PLPP5: variants seen among roughly 807,000 people sequenced by gnomAD.
PLPP5 encodes the protein phospholipid phosphatase 5, also known as diacylglycerol pyrophosphate like 1.
PLPP5 carries 29 observed loss-of-function variants against 23.6 expected under a neutral mutation model. The ratio of observed to expected loss-of-function variants is 1.23; its 90% CI spans 0.92 to 1.68. The LOEUF is 1.68. Ranked by LOEUF, PLPP5 falls within the 40% of genes most tolerant of loss-of-function variation. PLPP5 has a pLI of 0.00. For missense variants in PLPP5, 315 were observed against 332.1 expected (o/e 0.95, Z 0.40); for synonymous variants, 143 against 131.3 (o/e 1.09, Z -0.61).
In PLPP5 at chr8:38,263,933, T is replaced by C; in HGVS notation, c.*511A>G. On this transcript the variant is annotated 3_prime_UTR_variant, in exon 7 of 7. Transcript: ENST00000424479. Reference sequence around the variant, plus strand: ...GGTGTTGGACACCTTTGAAAGATCCTTTTACTAGAACATGTGGCATACAGT... The same window carrying C: ...GGTGTTGGACACCTTTGAAAGATCCCTTTACTAGAACATGTGGCATACAGT... 1 of 985,316 alleles carries C rather than the reference T, an allele frequency of 1.0e-6. No homozygotes were observed. The highest frequency in any genetic ancestry group is 1.2e-6 in the Non-Finnish European group (1 of 829,846). The allele number at this position is 985,316 out of a possible 1,614,324, so 61.0% of individuals were successfully genotyped here. A position where few individuals can be genotyped will look rare whatever the true frequency, so the allele number is the denominator to read the frequency against.
Position 38,263,190 on chromosome 8 carries a change from A to G in PLPP5, c.*1254T>C, listed in dbSNP as rs1377343799. The G allele has an allele frequency of 6.3e-6, 1 of 157,902 alleles. No homozygotes were observed. Among genetic ancestry groups the G allele is most frequent in the Non-Finnish European group, 1.4e-5 (1 of 73,272 alleles). 9.8% of individuals were successfully genotyped at this position (157,902 alleles called of 1,614,324 possible). On this transcript the variant is annotated 3_prime_UTR_variant, in exon 7 of 7. Coordinates refer to ENST00000424479, the MANE Select transcript of PLPP5 (RefSeq NM_001102559.2). ...ATACATTGAAAATATAGGAACATACACATAAAAGACAATGTCATATTTAAA... is the reference window on the plus strand; with the variant it reads ...ATACATTGAAAATATAGGAACATACGCATAAAAGACAATGTCATATTTAAA...
intron 5 of PLPP5, chr8:38,267,020 G>C: frequency 7.2e-7 from 1 of 1,386,982 alleles, no homozygotes. Flanking sequence ...CAAGATTGCA[G>C]GATCTAGGCA....
chr8:38,267,072 C>G, intron 5 of PLPP5, 195 bp downstream of exon 5: 1 of 1,431,324 alleles, frequency 7.0e-7, no homozygotes, highest in Non-Finnish European at 9.2e-7. Flanking sequence ...TGAAGGTAAA[C>G]TACCTTTCTG....
chr8:38,266,937 G>T, intron 5 of PLPP5: 1 of 720,842 alleles, frequency 1.4e-6, no homozygotes, highest in Non-Finnish European at 1.9e-6. Context: ...GCTATAATTA[G>T]GTAAGAAATG....
chr8:38,269,155 G>T lies in PLPP5; in HGVS notation c.45C>A (p.Gly15=). ...AGGCCGCGAACAGCGCGAGCCGCAC[G>T]CCCACTTCGGCCCCAAAGGCCACCG... is the stretch of plus-strand genomic sequence containing the variant. ...AAAVAFGAEV[G]VRLALFAAFL... The change falls in exon 1 of 7, where the codon GGC becomes GGA. Residue 15 remains glycine (G), a synonymous_variant. Coordinates refer to ENST00000424479, the MANE Select transcript of PLPP5 (RefSeq NM_001102559.2). 6.6e-7 allele frequency: 1 copy of T among 1,513,258 alleles called. No individual in the cohort carries two copies. The highest frequency in any genetic ancestry group is 8.8e-7 in the Non-Finnish European group (1 of 1,138,252). 93.7% of individuals were successfully genotyped at this position (1,513,258 alleles called of 1,614,324 possible).
At chr8:38,264,865 C>G in intron 6 of PLPP5, 1 of 1,609,584 alleles carries the variant, frequency 6.2e-7, no homozygotes. Flanking sequence ...TCAGAGTGTA[C>G]TAAATTAGAA....
In PLPP5 at chr8:38,264,069, G is replaced by GA. The variant is rs1212873432; in HGVS notation, c.*374dup. ...TGTCCTCACTTGCACCTTGGAAGGG[G>GA]AAAAAAAGGCTAGAATTTCTTGTCT... On this transcript the variant is annotated 3_prime_UTR_variant, in exon 7 of 7. Transcript: ENST00000424479. 24 of 989,818 alleles carry GA rather than the reference G, an allele frequency of 2.4e-5. No homozygotes were observed. Among genetic ancestry groups the GA allele is most frequent in the African/African-American group, 5.2e-5 (3 of 57,280 alleles). The allele number at this position is 989,818 out of a possible 1,614,324, so 61.3% of individuals were successfully genotyped here.
chr8:38,268,218 C>A, intron 3 of PLPP5, 153 bp downstream of exon 3: 1 of 1,045,648 alleles, frequency 9.6e-7, no homozygotes. Flanking sequence ...GTAACCAAGT[C>A]CCTGCAGTGC....
At chr8:38,267,612 G>A in intron 4 of PLPP5, 1 of 636,676 alleles carries the variant, frequency 1.6e-6, no homozygotes, top group Non-Finnish European at 2.7e-6. Flanking sequence ...TTACTTTTTA[G>A]GGCAAACAGC....
In PLPP5 at chr8:38,269,222, G is replaced by T; in HGVS notation, c.-23C>A. ...CATCCGGCCGCGAGCTCCGAGCGACGCTGCGCTGACGTGGCCACCTCCGCG... is the reference window on the plus strand; with the variant it reads ...CATCCGGCCGCGAGCTCCGAGCGACTCTGCGCTGACGTGGCCACCTCCGCG... On this transcript the variant is annotated 5_prime_UTR_variant, in exon 1 of 7. Transcript: ENST00000424479. The T allele has an allele frequency of 1.3e-6, 2 of 1,484,758 alleles. No individual in the cohort carries two copies. The allele number at this position is 1,484,758 out of a possible 1,614,324, so 92.0% of individuals were successfully genotyped here.
chr8:38,263,811 G>C lies in PLPP5; in HGVS notation c.*633C>G. On this transcript the variant is annotated 3_prime_UTR_variant, in exon 7 of 7. Transcript: ENST00000424479. ...TGAGACAAGGTGGGGCTATGTAAAGGCTTCTTTGTGACAAGATCCTTCTAA... is the reference window on the plus strand; with the variant it reads ...TGAGACAAGGTGGGGCTATGTAAAGCCTTCTTTGTGACAAGATCCTTCTAA... The C allele has an allele frequency of 2.0e-6, 2 of 984,920 alleles. No individual in the cohort carries two copies. The highest frequency in any genetic ancestry group is 9.4e-5 in the South Asian group (2 of 21,276). The allele number at this position is 984,920 out of a possible 1,614,324, so 61.0% of individuals were successfully genotyped here.
At chr8:38,266,097 T>C in intron 6 of PLPP5, 44 bp downstream of exon 6, 1 of 1,586,628 alleles carries the variant, frequency 6.3e-7, no homozygotes, top group Non-Finnish European at 8.6e-7. Context: ...AGGAATAAAA[T>C]GAGTGAAATA....
chr8:38,268,065 A>T (rs946618446), intron 3 of PLPP5, 105 bp from the exon 4 acceptor site: 3 of 1,569,874 alleles, frequency 1.9e-6, no homozygotes, highest in Admixed American at 1.9e-5. Context: ...GATAGAATCC[A>T]ACCAGGCCTG....
rs1025301465 is a variant in PLPP5 at position 38,264,686 on chromosome 8, C to T, written c.635-82G>A. On this transcript the variant is annotated intron_variant, in intron 6 of 6. Coordinates refer to ENST00000424479, the MANE Select transcript of PLPP5 (RefSeq NM_001102559.2). ...ATACACATAGCATAGAGGACCTGGC[C>T]CTCCAGGATACTCTACTGTGGGGCT... is the stretch of plus-strand genomic sequence containing the variant. The T allele has an allele frequency of 4.9e-6, 7 of 1,437,076 alleles. No homozygotes were observed. In the African/African-American group the frequency reaches 1.0e-4, roughly 21 times the overall value. The allele number at this position is 1,437,076 out of a possible 1,614,324, so 89.0% of individuals were successfully genotyped here.
chr8:38,269,036 C>T (rs748734887), intron 1 of PLPP5, 46 bp from the exon 2 acceptor site: 43 of 1,533,362 alleles, frequency 2.8e-5, no homozygotes, highest in Middle Eastern at 1.7e-4. Flanking sequence ...TGGCTTCCTC[C>T]CCGCTTCCCC....
At position 38,266,123 on chromosome 8, in the gene PLPP5, C is replaced by T; in HGVS notation, c.634+18G>A. The T allele has an allele frequency of 1.2e-6, 2 of 1,612,348 alleles. No homozygotes were observed. The highest frequency in any genetic ancestry group is 1.7e-5 in the Admixed American group (1 of 59,910). ...GAGTGAAATATGCAAGCTTCCATAG[C>T]CTGAGTACTTTGCTTACCTTGCCAG... On this transcript the variant is annotated intron_variant, in intron 6 of 6. Coordinates refer to ENST00000424479, the MANE Select transcript of PLPP5 (RefSeq NM_001102559.2).
chr8:38,264,500 T>G lies in PLPP5; in HGVS notation c.739A>C (p.Lys247Gln), dbSNP rs1422146473. The G allele has an allele frequency of 1.3e-6, 2 of 1,555,734 alleles. No individual in the cohort carries two copies. Among genetic ancestry groups the G allele is most frequent in the East Asian group, 2.4e-5 (1 of 41,494 alleles). Residue 247 changes from lysine to glutamine, a missense_variant, in exon 7 of 7, where the codon AAA (lysine) becomes CAA (glutamine). Physicochemically the swap from Lys to Gln is moderately conservative, Grantham distance 53 (BLOSUM62 1). Transcript: ENST00000424479. Reference sequence around the variant, plus strand: ...TTCTGTGCAGTGGAAAGTACAAGTTTGTCTTGAAATGGTTTATGGCATTCT... The same window carrying G: ...TTCTGTGCAGTGGAAAGTACAAGTTGGTCTTGAAATGGTTTATGGCATTCT... Reference protein sequence around the residue: ...DAECHKPFQDKLVLSTAQKPG... With the variant: ...DAECHKPFQDQLVLSTAQKPG...
intron 5 of PLPP5, 24 bp downstream of exon 5, chr8:38,267,243 G>A (rs1807764326): frequency 3.1e-6 from 5 of 1,613,782 alleles, no homozygotes; most frequent in Middle Eastern, 1.6e-4. Flanking sequence ...CAAGCATAGG[G>A]TAGAGTCCAT....
At chr8:38,269,025 C>T in intron 1 of PLPP5, 35 bp from the exon 2 acceptor site, 3 of 1,542,404 alleles carry the variant, frequency 1.9e-6, no homozygotes, top group Non-Finnish European at 2.6e-6. Flanking sequence ...AGCAGGTCGC[C>T]TGGCTTCCTC....
Sources: allele counts gnomAD v4.1 joint callset, GRCh38; gene constraint gnomAD v4.1.1; transcripts MANE v1.5; gene names NCBI Gene and HGNC (gene_info 2026-07-23, HGNC 2026-07-21).